The following SLC16A9 variants were observed in gnomAD, a reference collection of about 807,000 sequenced individuals.
SLC16A9 encodes the protein monocarboxylate transporter 9.
In SLC16A9, 26 loss-of-function variants were observed where a neutral mutation model predicts 44.3. The ratio of observed to expected loss-of-function variants is 0.59; its 90% CI spans 0.43 to 0.81. The LOEUF is 0.81. Among genes scored for constraint, SLC16A9 ranks in the 40% least tolerant of loss-of-function variants. SLC16A9 has a pLI of 0.00. For synonymous variants in SLC16A9, 230 were observed against 225.1 expected, an observed-to-expected ratio of 1.02 and a Z score of -0.19; for missense variants, 559 against 595.8, an observed-to-expected ratio of 0.94 and a Z score of 0.64.
At chr10:59,662,647 A>AAAC (rs1554867791) in intron 4 of SLC16A9, among the ~76,000 whole-genome samples, 1 of 147,410 alleles carries the variant, frequency 6.8e-6, no homozygotes, top group African/African-American at 2.6e-5. Context: ...AAAAAAAAAA[A>AAAC]AAAAAAGAAA....
chr10:59,685,927 T>G (rs1840121391), intron 1 of SLC16A9, among the ~76,000 whole-genome samples: 1 of 152,116 alleles, frequency 6.6e-6, no homozygotes, highest in Non-Finnish European at 1.5e-5. Flanking sequence ...TTTTGCAAAT[T>G]TCTTGGTTTT....
chr10:59,665,876 C>T (rs1271537574), intron 3 of SLC16A9, among the ~76,000 whole-genome samples: 1 of 152,068 alleles, frequency 6.6e-6, no homozygotes, highest in East Asian at 1.9e-4. Context: ...AACTTTTAAA[C>T]TTTAAATCTT....
At chr10:59,705,003 GT>G (rs1423261784) in intron 1 of SLC16A9, among the ~76,000 whole-genome samples, 2 of 152,132 alleles carry the variant, frequency 1.3e-5, no homozygotes, top group Admixed American at 1.3e-4. Context: ...GATTTGGGGA[GT>G]TTATTGGGAA....
In SLC16A9 at chr10:59,681,485, TG is replaced by T. The variant is rs1317211368; in HGVS notation, c.196+2610del. 5.5e-5 allele frequency among the ~76,000 whole-genome samples: 6 copies of T among 109,274 alleles called. 2 individuals are homozygous for T. The highest frequency in any genetic ancestry group is 2.1e-4 in the African/African-American group (6 of 28,640). The allele number at this position is 109,274 out of a possible 152,430, so 71.7% of individuals were successfully genotyped here. On this transcript the variant is annotated intron_variant, in intron 2 of 5. Coordinates refer to ENST00000395348, the MANE Select transcript of SLC16A9 (RefSeq NM_194298.3). ...ATGTGTATGTATATGTATATGTATA[TG>T]TATATGTATATGTATATGTATATGA...
chr10:59,706,654 A>ACACACACACACACACACAC (rs1554875735), intron 1 of SLC16A9, among the ~76,000 whole-genome samples: 1 of 25,088 alleles, frequency 4.0e-5, no homozygotes, highest in African/African-American at 1.3e-4. Context: ...CACACACACA[A>ACACACACACACACACACAC]TAGGAGACTA....
Position 59,681,774 on chromosome 10 carries a change from TATGTATATG to T in SLC16A9, c.196+2313_196+2321del, listed in dbSNP as rs200783700. 1.1e-3 allele frequency among the ~76,000 whole-genome samples: 17 copies of T among 15,180 alleles called. 3 individuals are homozygous for T. The highest frequency in any genetic ancestry group is 3.9e-3 in the South Asian group (1 of 258). 10.0% of individuals were successfully genotyped at this position (15,180 alleles called of 152,430 possible). A position where few individuals can be genotyped will look rare whatever the true frequency, so the allele number is the denominator to read the frequency against. ...TGTATATGTATATGATGTATATGTA[TATGTATATG>T]ATGTATATGTATATGTATATGTATA... On this transcript the variant is annotated intron_variant, in intron 2 of 5. Coordinates refer to ENST00000395348, the MANE Select transcript of SLC16A9 (RefSeq NM_194298.3).
chr10:59,661,368 T>G (rs922298961), intron 4 of SLC16A9, among the ~76,000 whole-genome samples: 34 of 151,206 alleles, frequency 2.2e-4, no homozygotes, highest in Non-Finnish European at 4.4e-5. Flanking sequence ...AATAGACAGA[T>G]AGTCAAATCA....
At chr10:59,696,529 G>A (rs536914850) in intron 1 of SLC16A9, among the ~76,000 whole-genome samples, 1,790 of 151,542 alleles carry the variant, frequency 0.012, 40 homozygotes, top group African/African-American at 0.042. Context: ...CCGCCACCCC[G>A]TCTAGGAAGT....
At chr10:59,670,929 AC>A (rs1442653996) in intron 3 of SLC16A9, among the ~76,000 whole-genome samples, 1 of 152,194 alleles carries the variant, frequency 6.6e-6, no homozygotes, top group African/African-American at 2.4e-5. Flanking sequence ...GCAAGCAGTA[AC>A]TCACAGGTCC....
At chr10:59,683,001 T>C (rs1840056640) in intron 2 of SLC16A9, among the ~76,000 whole-genome samples, 1 of 152,232 alleles carries the variant, frequency 6.6e-6, no homozygotes, top group African/African-American at 2.4e-5. Context: ...ATTGGAGGCA[T>C]TGCTTTTTTT....
chr10:59,671,083 GA>G (rs1588971959), intron 3 of SLC16A9, among the ~76,000 whole-genome samples: 1 of 152,174 alleles, frequency 6.6e-6, no homozygotes, highest in Non-Finnish European at 1.5e-5. Flanking sequence ...ACAGATGAGG[GA>G]GGGTACAGTC....
At chr10:59,688,968 C>G (rs913308469) in intron 1 of SLC16A9, among the ~76,000 whole-genome samples, 1 of 152,066 alleles carries the variant, frequency 6.6e-6, no homozygotes, top group Admixed American at 6.6e-5. Flanking sequence ...CCTCCGCCCT[C>G]CCTTGCATTG....
intron 1 of SLC16A9, among the ~76,000 whole-genome samples, chr10:59,687,684 G>A (rs543106740): frequency 6.6e-6 from 1 of 152,110 alleles, no homozygotes; most frequent in African/African-American, 2.4e-5. Context: ...TTAAAGCTTT[G>A]GGCTGGGCAC....
At chr10:59,675,791 A>G (rs1171605) in intron 2 of SLC16A9, among the ~76,000 whole-genome samples, 146,980 of 152,322 alleles carry the variant, frequency 0.96, 71,148 homozygotes, top group East Asian at 1. Flanking sequence ...AACCATAAGG[A>G]AAGAATCAAG....
At chr10:59,684,938 G>A (rs1319526771) in intron 1 of SLC16A9, among the ~76,000 whole-genome samples, 1 of 152,150 alleles carries the variant, frequency 6.6e-6, no homozygotes, top group Admixed American at 6.6e-5. Context: ...CCCTTCAAAG[G>A]AGGCAATCTA....
At chr10:59,664,058 TG>T (rs1437863774) in intron 4 of SLC16A9, among the ~76,000 whole-genome samples, 168 bp downstream of exon 4, 1 of 150,500 alleles carries the variant, frequency 6.6e-6, no homozygotes, top group Non-Finnish European at 1.5e-5. Context: ...AGAAAGCTAC[TG>T]CCATATTTAT....
At chr10:59,664,376 G>T in intron 3 of SLC16A9, 54 bp from the exon 4 acceptor site, 2 of 1,230,744 alleles carry the variant, frequency 1.6e-6, no homozygotes, top group Non-Finnish European at 2.3e-6. Flanking sequence ...TTCAATGCAA[G>T]AGAAAAAAGG....
intron 4 of SLC16A9, among the ~76,000 whole-genome samples, chr10:59,656,712 T>C (rs1839356848): frequency 6.6e-6 from 1 of 152,220 alleles, no homozygotes; most frequent in Non-Finnish European, 1.5e-5. Context: ...GCAGTTTTGT[T>C]ACATAGGTAA....
At chr10:59,693,511 C>T (rs1432248633) in intron 1 of SLC16A9, among the ~76,000 whole-genome samples, 1 of 152,168 alleles carries the variant, frequency 6.6e-6, no homozygotes. Context: ...CATCTTCATT[C>T]TGTATGTCTA....
Sources: allele counts gnomAD v4.1 joint callset (sites outside exome capture counted in the v4.1 genomes callset), GRCh38; gene constraint gnomAD v4.1.1; transcripts MANE v1.5; gene names NCBI Gene and HGNC (gene_info 2026-07-23, HGNC 2026-07-21).